FOXI3: variants seen among roughly 807,000 people sequenced by gnomAD.
The protein encoded by FOXI3 is forkhead box I3.
In FOXI3, 4 loss-of-function variants were observed where a neutral mutation model predicts 15.6. The ratio of observed to expected loss-of-function variants is 0.26; its 90% CI spans 0.13 to 0.59. FOXI3 has a LOEUF of 0.59. Among genes scored for constraint, FOXI3 ranks in the 20% least tolerant of loss-of-function variants. The probability of loss-of-function intolerance (pLI) is 0.90; values close to 1 mark genes in which losing one functional copy is unlikely to be tolerated. For missense variants in FOXI3, 489 were observed against 548.2 expected, an observed-to-expected ratio of 0.89 and a Z score of 1.08; for synonymous variants, 238 against 244.4, an observed-to-expected ratio of 0.97 and a Z score of 0.25.
At position 88,448,015 on chromosome 2, in the gene FOXI3, G is replaced by A. The variant is rs972825159; in HGVS notation, c.*192C>T. 8 of 595,100 alleles carry A rather than the reference G, an allele frequency of 1.3e-5. No homozygotes were observed. The highest frequency in any genetic ancestry group is 2.8e-5 in the East Asian group (1 of 35,866). The allele number at this position is 595,100 out of a possible 1,614,324, so 36.9% of individuals were successfully genotyped here. A position where few individuals can be genotyped will look rare whatever the true frequency, so the allele number is the denominator to read the frequency against. ...CATGCAGAGAAACCTGTAAAAGCTC[G>A]CTGGGTTGTAGCAAGAGTTATCTAC... On this transcript the variant is annotated 3_prime_UTR_variant, in exon 2 of 2. Coordinates refer to ENST00000428390, the MANE Select transcript of FOXI3 (RefSeq NM_001135649.3).
Position 88,450,780 on chromosome 2 carries a change from T to C in FOXI3, c.640+1116A>G, listed in dbSNP as rs375332451. The stretch of plus-strand genomic sequence containing the variant: ...GCATTATTATTGGGCACTTGAAATA[T>C]GGCTAGTCAAATTGAGATGTAGTGT... On this transcript the variant is annotated intron_variant, in intron 1 of 1. Coordinates refer to ENST00000428390, the MANE Select transcript of FOXI3 (RefSeq NM_001135649.3). Among the ~76,000 whole-genome samples, 72 of 152,360 alleles carry C rather than the reference T, an allele frequency of 4.7e-4. 1 individual carries two copies. Among genetic ancestry groups the C allele is most frequent in the Middle Eastern group, 6.8e-3 (2 of 294 alleles).
intron 1 of FOXI3, among the ~76,000 whole-genome samples, chr2:88,450,060 T>G (rs1351474863): frequency 6.6e-6 from 1 of 152,162 alleles, no homozygotes; most frequent in African/African-American, 2.4e-5. Context: ...CTTGACCTCC[T>G]GGCCTCAAGC....
rs1675969571 is a variant in FOXI3 at position 88,448,149 on chromosome 2, A to C, written c.*58T>G. On this transcript the variant is annotated 3_prime_UTR_variant, in exon 2 of 2. Coordinates refer to ENST00000428390, the MANE Select transcript of FOXI3 (RefSeq NM_001135649.3). ...CCAGACCTACTGACTTGGAATCTGC[A>C]TTCTAATCAGCATGTGTGCACGCCT... is the stretch of plus-strand genomic sequence containing the variant. 1 of 1,453,220 alleles carries C rather than the reference A, an allele frequency of 6.9e-7. No homozygotes were observed. Among genetic ancestry groups the C allele is most frequent in the Non-Finnish European group, 9.3e-7 (1 of 1,074,416 alleles). The allele number at this position is 1,453,220 out of a possible 1,614,324, so 90.0% of individuals were successfully genotyped here. A position where few individuals can be genotyped will look rare whatever the true frequency, so the allele number is the denominator to read the frequency against.
At chr2:88,450,304 C>A (rs1676019770) in intron 1 of FOXI3, among the ~76,000 whole-genome samples, 1 of 152,034 alleles carries the variant, frequency 6.6e-6, no homozygotes, top group African/African-American at 2.4e-5. Context: ...GTGGCATGCT[C>A]CCGTAGTCCC....
intron 1 of FOXI3, among the ~76,000 whole-genome samples, chr2:88,450,738 C>T (rs1034446887): frequency 3.1e-4 from 47 of 152,092 alleles, no homozygotes; most frequent in Non-Finnish European, 6.0e-4. Flanking sequence ...CTGCCCAATA[C>T]AGTAGCCACT....
intron 1 of FOXI3, among the ~76,000 whole-genome samples, chr2:88,450,823 TTG>T (rs1676032233): frequency 6.6e-6 from 1 of 152,232 alleles, no homozygotes; most frequent in African/African-American, 2.4e-5. Flanking sequence ...ACAAGGGATT[TTG>T]AAGACTTAGT....
intron 1 of FOXI3, 29 bp downstream of exon 1, chr2:88,451,867 G>A (rs1343123059): frequency 6.2e-7 from 1 of 1,603,552 alleles, no homozygotes; most frequent in Non-Finnish European, 8.5e-7. Flanking sequence ...GCCCTCCCCG[G>A]CTGGGAAGCA....
rs752858246 is a variant in FOXI3 at position 88,448,377 on chromosome 2, TG to T, written c.1092del (p.Asp364GlufsTer5). 1.9e-5 allele frequency: 29 copies of T among 1,551,552 alleles called. No homozygotes were observed. The South Asian group carries it at 3.5e-4, about 18-fold the overall frequency. ...SPTSISEASA[D>X]TLQLSNSTSN... ...CTGGTGCTATTGCTCAGTTGCAAGG[TG>T]TCTGCTGAGGCCTCTGAGATGGAGG... is the stretch of plus-strand genomic sequence containing the variant. On this transcript the variant is annotated frameshift_variant, in exon 2 of 2. Coordinates refer to ENST00000428390, the MANE Select transcript of FOXI3 (RefSeq NM_001135649.3). LOFTEE classifies it high-confidence loss of function.
chr2:88,448,511 C>G lies in FOXI3; in HGVS notation c.959G>C (p.Ser320Thr). ...PCLNTFFSSLSSLSVSSSVST... is the reference protein window; with the variant it reads ...PCLNTFFSSLTSLSVSSSVST... The stretch of plus-strand genomic sequence containing the variant: ...CACACTGCTGCTGACACTCAAGGAG[C>G]TGAGGCTGCTGAAGAAAGTGTTGAG... Residue 320 changes from serine to threonine, a missense_variant, in exon 2 of 2, where the codon AGC becomes ACC. By Grantham distance (58) the Ser-to-Thr change is moderately conservative. This residue lies in a region of FOXI3 where 263 missense variants were observed against 285.5 expected (regional missense o/e 0.92). Transcript: ENST00000428390. 10 of 1,551,702 alleles carry G rather than the reference C, an allele frequency of 6.4e-6. No homozygotes were observed. The highest frequency in any genetic ancestry group is 8.7e-6 in the Non-Finnish European group (10 of 1,146,996).
At position 88,448,255 on chromosome 2, in the gene FOXI3, A is replaced by C; in HGVS notation, c.1215T>G (p.Phe405Leu). The C allele has an allele frequency of 5.2e-6, 8 of 1,551,312 alleles. No individual in the cohort carries two copies. Among genetic ancestry groups the C allele is most frequent in the Non-Finnish European group, 7.0e-6 (8 of 1,146,822 alleles). Residue 405 changes from phenylalanine to leucine, a missense_variant, in exon 2 of 2, where the codon TTT (phenylalanine) becomes TTG (leucine). Coordinates refer to ENST00000428390, the MANE Select transcript of FOXI3 (RefSeq NM_001135649.3). ...GGTAGATGAGGCTGTTCACCATGCTAAAGTTGTGGAAAGGGCTGCTGAAGG... is the reference window on the plus strand; with the variant it reads ...GGTAGATGAGGCTGTTCACCATGCTCAAGTTGTGGAAAGGGCTGCTGAAGG... The part of the protein sequence containing the change: ...SSPFSSPFHN[F>L]SMVNSLIYPR...
rs1344350337 is a variant in FOXI3, at chr2:88,451,966, C to T, written c.570G>A (p.Gln190=). 1 of 1,612,176 alleles carries T rather than the reference C, an allele frequency of 6.2e-7. No individual in the cohort carries two copies. Among genetic ancestry groups the T allele is most frequent in the Non-Finnish European group, 8.5e-7 (1 of 1,179,262 alleles). ...PFYQRSKAGW[Q]NSIRHNLSLN... ...GCGACAGGTTGTGGCGGATGGAGTT[C>T]TGCCAGCCGGCCTTGCTGCGCTGGT... Residue 190 remains glutamine (Q), a synonymous_variant, in exon 1 of 2, where the codon CAG becomes CAA. Coordinates refer to ENST00000428390, the MANE Select transcript of FOXI3 (RefSeq NM_001135649.3).
Position 88,448,247 on chromosome 2 carries a change from A to G in FOXI3, c.1223T>C (p.Val408Ala), listed in dbSNP as rs563800210. The change falls in exon 2 of 2, where the codon GTG becomes GCG. Residue 408 changes from valine to alanine, a missense_variant. Transcript: ENST00000428390. ...CTCTCGGGGGTAGATGAGGCTGTTC[A>G]CCATGCTAAAGTTGTGGAAAGGGCT... is the stretch of plus-strand genomic sequence containing the variant. ...FSSPFHNFSM[V>A]NSLIYPREGS... 1.9e-6 allele frequency: 3 copies of G among 1,551,480 alleles called. No homozygotes were observed. Among genetic ancestry groups the G allele is most frequent in the Non-Finnish European group, 2.6e-6 (3 of 1,146,978 alleles).
At position 88,448,600 on chromosome 2, in the gene FOXI3, A is replaced by C. The variant is rs2104258522; in HGVS notation, c.870T>G (p.Pro290=). 1 of 1,551,550 alleles carries C rather than the reference A, an allele frequency of 6.4e-7. No homozygotes were observed. The highest frequency in any genetic ancestry group is 8.7e-7 in the Non-Finnish European group (1 of 1,146,958). ...AGGCAGTACTCTTGGTGCCCTCCGG[A>C]GGCTCTGGGGAGTGGGAAGGCCTCA... The part of the protein sequence containing the change: ...TLLRPSHSPE[P]PEGTKSTASS... The change falls in exon 2 of 2, where the codon CCT becomes CCG. Residue 290 remains proline, a synonymous_variant. Transcript: ENST00000428390.
Position 88,451,803 on chromosome 2 carries a change from G to T in FOXI3, c.640+93C>A. 2.0e-6 allele frequency: 3 copies of T among 1,525,870 alleles called. No homozygotes were observed. The South Asian group carries it at 3.6e-5, about 18-fold the overall frequency. 94.5% of individuals were successfully genotyped at this position (1,525,870 alleles called of 1,614,324 possible). On this transcript the variant is annotated intron_variant, in intron 1 of 1. Transcript: ENST00000428390. ...CGCAGCCTGGACAAGAAGACTCCTG[G>T]CAGATCTTCCAGCCGCACACCGACC...
chr2:88,452,317 G>GGCGGCGGCT lies in FOXI3; in HGVS notation c.210_218dup (p.Ala72_Ala74dup), dbSNP rs1200321113. The GGCGGCGGCT allele has an allele frequency of 3.1e-6, 3 of 981,906 alleles. No homozygotes were observed. Among genetic ancestry groups the GGCGGCGGCT allele is most frequent in the East Asian group, 1.1e-4 (1 of 8,726 alleles). The allele number at this position is 981,906 out of a possible 1,614,324, so 60.8% of individuals were successfully genotyped here. A position where few individuals can be genotyped will look rare whatever the true frequency, so the allele number is the denominator to read the frequency against. On this transcript the variant is annotated inframe_insertion, in exon 1 of 2. Coordinates refer to ENST00000428390, the MANE Select transcript of FOXI3 (RefSeq NM_001135649.3). ...GCGGCGGCGGAGCGCCCAGGTACGC[G>GGCGGCGGCT]GCGGCGGCTGCGGCGGCGGCGGAGG...
chr2:88,448,347 T>C lies in FOXI3; in HGVS notation c.1123A>G (p.Ser375Gly). Residue 375 changes from serine (S) to glycine (G), a missense_variant, in exon 2 of 2, where the codon AGC becomes GGC. Around this residue, in one of 3 missense-constraint regions of FOXI3, gnomAD observed 263 missense variants for 285.5 expected, o/e 0.92. Transcript: ENST00000428390. ...TLQLSNSTSN[S>G]TGQRSSYYSP... ...TAATAGGAAGATCTCTGGCCGGTGC[T>C]ATTGCTGGTGCTATTGCTCAGTTGC... 4 of 1,551,614 alleles carry C rather than the reference T, an allele frequency of 2.6e-6. No homozygotes were observed. Among genetic ancestry groups the C allele is most frequent in the South Asian group, 2.4e-5 (2 of 84,024 alleles).
chr2:88,449,380 C>A lies in FOXI3; in HGVS notation c.641-551G>T, dbSNP rs943573252. On this transcript the variant is annotated intron_variant, in intron 1 of 1. Transcript: ENST00000428390. Reference sequence around the variant, plus strand: ...AAAACAGCACTTAACAATTATTATTCGTTGAAAGTGCATAATTCCCCACCT... The same window carrying A: ...AAAACAGCACTTAACAATTATTATTAGTTGAAAGTGCATAATTCCCCACCT... Among the ~76,000 whole-genome samples, 8 of 152,158 alleles carry A rather than the reference C, an allele frequency of 5.3e-5. No individual in the cohort carries two copies. The South Asian group carries it at 6.2e-4, about 12-fold the overall frequency.
Position 88,452,154 on chromosome 2 carries a change from C to T in FOXI3, c.382G>A (p.Glu128Lys). Residue 128 changes from glutamate to lysine, a missense_variant, in exon 1 of 2, where the codon GAG (glutamate) becomes AAG (lysine). By Grantham distance (56) the Glu-to-Lys change is moderately conservative. Around this residue, in one of 3 missense-constraint regions of FOXI3, gnomAD observed 224 missense variants for 245.7 expected, o/e 0.91. Coordinates refer to ENST00000428390, the MANE Select transcript of FOXI3 (RefSeq NM_001135649.3). ...CTGGCCATGGACAGCCAGCCCAGCT[C>T]CCCGGGCCCCGCGGGCGCGGCGGGC... ...ASPAAPAGPG[E>K]LGWLSMASRE... 7.2e-7 allele frequency: 1 copy of T among 1,386,226 alleles called. No homozygotes were observed. The allele number at this position is 1,386,226 out of a possible 1,614,324, so 85.9% of individuals were successfully genotyped here.
At position 88,451,880 on chromosome 2, in the gene FOXI3, T is replaced by A. The variant is rs770827314; in HGVS notation, c.640+16A>T. ...CCGCCCTCCCCGGCTGGGAAGCACC[T>A]GCCAGCGGCCCTCACCTGGGTCGTC... On this transcript the variant is annotated intron_variant, in intron 1 of 1. Transcript: ENST00000428390. 4 of 1,609,922 alleles carry A rather than the reference T, an allele frequency of 2.5e-6. No individual in the cohort carries two copies. The highest frequency in any genetic ancestry group is 1.1e-5 in the South Asian group (1 of 90,534).
Sources: gnomAD v4.1 joint callset for allele counts (sites outside exome capture counted in the v4.1 genomes callset) on GRCh38, gnomAD v4.1.1 for gene constraint, gnomAD v4.1.1 regional missense constraint, MANE v1.5 for transcripts, NCBI Gene and HGNC (gene_info 2026-07-23, HGNC 2026-07-21) for gene names.